Variants in CTNNBL1 observed in about 807,000 individuals in gnomAD.
CTNNBL1 encodes beta-catenin-like protein 1.
Under a neutral mutation model 72.7 loss-of-function variants are expected in CTNNBL1, and 31 were observed. The ratio of observed to expected loss-of-function variants is 0.43; its 90% CI spans 0.32 to 0.58. The LOEUF (loss-of-function observed/expected upper bound fraction) is 0.58, where lower values mean the gene tolerates loss of function less well. Among genes scored for constraint, CTNNBL1 ranks in the 20% least tolerant of loss-of-function variants. The probability of loss-of-function intolerance (pLI) is 0.08; values close to 1 mark genes in which losing one functional copy is unlikely to be tolerated. For synonymous variants in CTNNBL1, 240 were observed against 267.3 expected (o/e 0.90, Z 1.00); for missense variants, 534 against 725.1 (o/e 0.74, Z 3.03).
rs2073647121 is a variant in CTNNBL1, at chr20:37,783,745, G to A, written c.1031+4410G>A. Among the ~76,000 whole-genome samples, 3 of 152,112 alleles carry A rather than the reference G, an allele frequency of 2.0e-5. No homozygotes were observed. The South Asian group carries it at 6.2e-4, about 32-fold the overall frequency. On this transcript the variant is annotated intron_variant, in intron 10 of 15. Coordinates refer to ENST00000361383, the MANE Select transcript of CTNNBL1 (RefSeq NM_030877.5). ...TACTTGACAGAATTTCAGTTTTCTTGTATTTTTAAAGAATTGTTTTGTGGC... is the reference window on the plus strand; with the variant it reads ...TACTTGACAGAATTTCAGTTTTCTTATATTTTTAAAGAATTGTTTTGTGGC...
intron 3 of CTNNBL1, among the ~76,000 whole-genome samples, chr20:37,740,223 G>C (rs6126043): frequency 6.6e-6 from 1 of 152,004 alleles, no homozygotes; most frequent in Non-Finnish European, 1.5e-5. Context: ...AAAGCAGTTA[G>C]GAAACTACAT....
intron 4 of CTNNBL1, among the ~76,000 whole-genome samples, chr20:37,747,530 C>CT (rs1423950869): frequency 6.6e-6 from 1 of 151,808 alleles, no homozygotes; most frequent in Non-Finnish European, 1.5e-5. Context: ...AACTTGTATT[C>CT]TTTTTTGCAC....
chr20:37,826,475 A>G (rs772420659), intron 11 of CTNNBL1, among the ~76,000 whole-genome samples: 9 of 152,240 alleles, frequency 5.9e-5, no homozygotes, highest in Admixed American at 2.6e-4. Flanking sequence ...TTCACATTAA[A>G]TGGGTTTCAG....
At chr20:37,758,779 A>G (rs1286090168) in intron 5 of CTNNBL1, among the ~76,000 whole-genome samples, 1 of 152,186 alleles carries the variant, frequency 6.6e-6, no homozygotes, top group African/African-American at 2.4e-5. Flanking sequence ...TTAGCAGTTG[A>G]TCAAAGATTA....
chr20:37,794,261 A>G (rs2073750712), intron 10 of CTNNBL1, among the ~76,000 whole-genome samples: 1 of 152,018 alleles, frequency 6.6e-6, no homozygotes, highest in Non-Finnish European at 1.5e-5. Flanking sequence ...ATGCTGGTCT[A>G]CTGGTGATGA....
chr20:37,840,140 C>T lies in CTNNBL1; in HGVS notation c.1252C>T (p.Leu418=). ...CSILASLLRN[L]RGQQRTRLLN... ...GATCCTGGCTTCCCTCCTGCGGAAC[C>T]TGAGAGGGCAGCAGCGGACCCGGCT... The change falls in exon 12 of 16, where the codon CTG becomes TTG. Residue 418 remains leucine, a synonymous_variant. Coordinates refer to ENST00000361383, the MANE Select transcript of CTNNBL1 (RefSeq NM_030877.5). 6.2e-7 allele frequency: 1 copy of T among 1,613,944 alleles called. No homozygotes were observed.
chr20:37,861,991 A>C (rs1273367237), intron 15 of CTNNBL1, among the ~76,000 whole-genome samples: 1 of 152,162 alleles, frequency 6.6e-6, no homozygotes, highest in Non-Finnish European at 1.5e-5. Flanking sequence ...AGGGGCTGGA[A>C]ATCTCGTGTC....
intron 11 of CTNNBL1, among the ~76,000 whole-genome samples, chr20:37,837,352 A>G (rs1296287077): frequency 1.3e-5 from 2 of 151,998 alleles, no homozygotes; most frequent in Non-Finnish European, 2.9e-5. Context: ...AGGTTACACC[A>G]CCTCAATCCC....
At chr20:37,706,131 G>C (rs555228547) in intron 1 of CTNNBL1, among the ~76,000 whole-genome samples, 2 of 152,226 alleles carry the variant, frequency 1.3e-5, no homozygotes, top group African/African-American at 4.8e-5. Flanking sequence ...TGAGCCTTCA[G>C]CAAGTTATCT....
In CTNNBL1 at chr20:37,777,408, G is replaced by A. The variant is rs567088978; in HGVS notation, c.814G>A (p.Asp272Asn). The A allele has an allele frequency of 2.5e-6, 4 of 1,613,872 alleles. No homozygotes were observed. In the South Asian group the frequency reaches 4.4e-5, roughly 18 times the overall value. Reference sequence around the variant, plus strand: ...TGAAGTGCTGGCCATATTGCTCCAGGACAATGATGGTGAGGCGCCCTCTCA... The same window carrying A: ...TGAAGTGCTGGCCATATTGCTCCAGAACAATGATGGTGAGGCGCCCTCTCA... ...CSEVLAILLQ[D>N]NDENRELLGE... is the part of the protein sequence containing the mutation. Residue 272 changes from aspartate to asparagine, a missense_variant, in exon 8 of 16, where the codon GAC becomes AAC. Coordinates refer to ENST00000361383, the MANE Select transcript of CTNNBL1 (RefSeq NM_030877.5).
chr20:37,706,984 T>C (rs534434429), intron 1 of CTNNBL1, among the ~76,000 whole-genome samples: 1 of 152,292 alleles, frequency 6.6e-6, no homozygotes, highest in East Asian at 1.9e-4. Flanking sequence ...GCATTGGCAA[T>C]GAACAGTAAT....
At chr20:37,744,891 C>T (rs1600458622) in intron 3 of CTNNBL1, among the ~76,000 whole-genome samples, 1 of 151,994 alleles carries the variant, frequency 6.6e-6, no homozygotes, top group Non-Finnish European at 1.5e-5. Context: ...GGTATTGAAG[C>T]GGTTGGTCAA....
At chr20:37,828,589 T>C (rs991997836) in intron 11 of CTNNBL1, among the ~76,000 whole-genome samples, 1 of 152,188 alleles carries the variant, frequency 6.6e-6, no homozygotes, top group Non-Finnish European at 1.5e-5. Flanking sequence ...GTTGTGAGAA[T>C]TAAATGAGAT....
intron 3 of CTNNBL1, among the ~76,000 whole-genome samples, chr20:37,743,446 T>TA (rs937164775): frequency 1.3e-5 from 2 of 151,820 alleles, no homozygotes; most frequent in East Asian, 1.9e-4. Flanking sequence ...GGAAGCCTTT[T>TA]AAAAAAAAGG....
intron 15 of CTNNBL1, among the ~76,000 whole-genome samples, chr20:37,869,901 A>G (rs1272466628): frequency 6.6e-6 from 1 of 151,838 alleles, no homozygotes; most frequent in African/African-American, 2.4e-5. Flanking sequence ...AGGGCAGTGA[A>G]GGGTTGGACC....
At chr20:37,840,986 G>T (rs1206708421) in intron 12 of CTNNBL1, among the ~76,000 whole-genome samples, 1 of 152,220 alleles carries the variant, frequency 6.6e-6, no homozygotes, top group African/African-American at 2.4e-5. Context: ...CATGAGATTA[G>T]ATGGATATTT....
At chr20:37,726,209 A>G (rs2073083302) in intron 1 of CTNNBL1, among the ~76,000 whole-genome samples, 2 of 152,200 alleles carry the variant, frequency 1.3e-5, no homozygotes, top group Non-Finnish European at 2.9e-5. Context: ...CATTGCAAAC[A>G]GGTTAGGAAT....
intron 1 of CTNNBL1, among the ~76,000 whole-genome samples, chr20:37,707,748 C>T (rs147099475): frequency 3.1e-4 from 47 of 152,364 alleles, no homozygotes; most frequent in African/African-American, 1.1e-3. Flanking sequence ...TAACAGGCCT[C>T]GCTTTCGGCC....
chr20:37,704,207 T>G (rs2072866935), intron 1 of CTNNBL1, among the ~76,000 whole-genome samples: 1 of 152,246 alleles, frequency 6.6e-6, no homozygotes, highest in African/African-American at 2.4e-5. Context: ...TGCAGTCTAA[T>G]GGGGTATACC....
Sources: gnomAD v4.1 joint callset for allele counts (sites outside exome capture counted in the v4.1 genomes callset) on GRCh38, gnomAD v4.1.1 for gene constraint, MANE v1.5 for transcripts, NCBI Gene and HGNC (gene_info 2026-07-23, HGNC 2026-07-21) for gene names.